GRIN2A: variants seen among roughly 807,000 people sequenced by gnomAD.
GRIN2A encodes the protein glutamate receptor ionotropic, NMDA 2A.
A neutral mutation model predicts 113.4 loss-of-function variants in GRIN2A; 22 were observed. The ratio of observed to expected loss-of-function variants is 0.19; its 90% CI spans 0.14 to 0.28. The LOEUF (loss-of-function observed/expected upper bound fraction) is 0.28. Ranked by LOEUF, GRIN2A falls within the 10% of genes least tolerant of loss-of-function variation. The pLI, the probability that GRIN2A is intolerant of heterozygous loss-of-function variation, is 1.00. For synonymous variants in GRIN2A, 827 were observed against 738.4 expected (o/e 1.12, Z -1.94); for missense variants, 1,502 against 1,887.0 (o/e 0.80, Z 3.78).
At chr16:10,080,392 G>T (rs965345554) in intron 2 of GRIN2A, among the ~76,000 whole-genome samples, 1 of 152,188 alleles carries the variant, frequency 6.6e-6, no homozygotes, top group African/African-American at 2.4e-5. Context: ...GAAAGCGAAG[G>T]TGGAAGGGAG....
At chr16:10,040,349 T>A (rs2047139021) in intron 2 of GRIN2A, among the ~76,000 whole-genome samples, 1 of 144,754 alleles carries the variant, frequency 6.9e-6, no homozygotes, top group Non-Finnish European at 1.5e-5. Flanking sequence ...CTCACAACCC[T>A]GGACTCACAA....
At chr16:10,039,657 G>A (rs949507584) in intron 2 of GRIN2A, among the ~76,000 whole-genome samples, 1 of 151,676 alleles carries the variant, frequency 6.6e-6, no homozygotes. Context: ...ACCCGGGAGC[G>A]GGGGCGGCTG....
At chr16:9,879,369 T>A (rs2141449656) in intron 4 of GRIN2A, among the ~76,000 whole-genome samples, 1 of 152,218 alleles carries the variant, frequency 6.6e-6, no homozygotes, top group Non-Finnish European at 1.5e-5. Flanking sequence ...CTTCCAGAAA[T>A]ACCTAATCTG....
rs150655024 is a variant in GRIN2A, at chr16:9,946,999, A to C, written c.415-8448T>G. On this transcript the variant is annotated intron_variant, in intron 2 of 12. Coordinates refer to ENST00000330684, the MANE Select transcript of GRIN2A (RefSeq NM_001134407.3). ...AGCCAATTTGATTAGCTTTTCTGTC[A>C]CTTGCAATCAAAGATTACTGATGCC... Among the ~76,000 whole-genome samples the C allele has an allele frequency of 5.4e-3, 816 of 152,318 alleles. 8 individuals are homozygous for C. Among genetic ancestry groups the C allele is most frequent in the African/African-American group, 0.019 (778 of 41,572 alleles).
chr16:9,921,336 C>A (rs2044355115), intron 3 of GRIN2A, among the ~76,000 whole-genome samples: 1 of 152,174 alleles, frequency 6.6e-6, no homozygotes, highest in African/African-American at 2.4e-5. Context: ...TTTGTACCAG[C>A]TTCGCAGCAT....
At chr16:9,797,280 C>T (rs1413273569) in intron 11 of GRIN2A, among the ~76,000 whole-genome samples, 2 of 152,208 alleles carry the variant, frequency 1.3e-5, no homozygotes, top group Non-Finnish European at 2.9e-5. Flanking sequence ...ATACCGAGCT[C>T]ATTTTTGGTG....
chr16:10,090,545 T>G (rs1199505287), intron 2 of GRIN2A, among the ~76,000 whole-genome samples: 1 of 152,042 alleles, frequency 6.6e-6, no homozygotes, highest in Non-Finnish European at 1.5e-5. Flanking sequence ...AAATAGATCT[T>G]AGACCTAAAT....
At chr16:10,167,231 ACACGC>A (rs2049944071) in intron 2 of GRIN2A, among the ~76,000 whole-genome samples, 1 of 152,136 alleles carries the variant, frequency 6.6e-6, no homozygotes, top group Non-Finnish European at 1.5e-5. Flanking sequence ...ATGTTTATGA[ACACGC>A]ACTCCTCTGG....
chr16:10,130,186 C>A (rs1046191312), intron 2 of GRIN2A, among the ~76,000 whole-genome samples: 1 of 152,152 alleles, frequency 6.6e-6, no homozygotes, highest in Non-Finnish European at 1.5e-5. Context: ...ATGATAGAGG[C>A]AGACTTGGAA....
chr16:9,837,652 A>G (rs1470270706), intron 7 of GRIN2A, among the ~76,000 whole-genome samples: 1 of 152,166 alleles, frequency 6.6e-6, no homozygotes, highest in Non-Finnish European at 1.5e-5. Flanking sequence ...TTCCTGCCAA[A>G]GAGTCTGAAA....
intron 3 of GRIN2A, among the ~76,000 whole-genome samples, chr16:9,898,511 T>C (rs150976471): frequency 1.7e-3 from 260 of 152,366 alleles, no homozygotes; most frequent in African/African-American, 6.1e-3. Context: ...ATATTTATTA[T>C]TCACTATTTC....
intron 2 of GRIN2A, among the ~76,000 whole-genome samples, chr16:9,979,285 G>C (rs1318152746): frequency 6.6e-6 from 1 of 152,130 alleles, no homozygotes; most frequent in Non-Finnish European, 1.5e-5. Context: ...AGTGCCACAT[G>C]GTTATTCTGA....
intron 2 of GRIN2A, among the ~76,000 whole-genome samples, chr16:10,142,680 T>C (rs868547276): frequency 1.1e-4 from 16 of 152,134 alleles, no homozygotes; most frequent in Admixed American, 8.5e-4. Flanking sequence ...GTATGGGCAA[T>C]AGAGCAAGAC....
At chr16:9,783,987 G>C (rs984981294) in intron 11 of GRIN2A, among the ~76,000 whole-genome samples, 3 of 152,144 alleles carry the variant, frequency 2.0e-5, no homozygotes, top group Non-Finnish European at 4.4e-5. Flanking sequence ...AGGATAGGAG[G>C]AGGGAGAGGA....
chr16:10,084,554 C>G (rs1010211550), intron 2 of GRIN2A, among the ~76,000 whole-genome samples: 4 of 152,136 alleles, frequency 2.6e-5, no homozygotes, highest in Admixed American at 2.6e-4. Context: ...GAAGGATATT[C>G]CCATTCTCTA....
In GRIN2A at chr16:9,759,808, A is replaced by G. The variant is rs576585646; in HGVS notation, c.*3341T>C. 3.5e-5 allele frequency: 8 copies of G among 229,318 alleles called. No individual in the cohort carries two copies. The South Asian group carries it at 1.3e-3, about 37-fold the overall frequency. 14.2% of individuals were successfully genotyped at this position (229,318 alleles called of 1,614,324 possible). The stretch of plus-strand genomic sequence containing the variant: ...TAGACCTATAGGGACTTGCCAGCTC[A>G]GAGCATTGAAACCATAAGTGGCCTA... On this transcript the variant is annotated 3_prime_UTR_variant, in exon 13 of 13. Transcript: ENST00000330684.
At chr16:10,050,379 A>C (rs527648503) in intron 2 of GRIN2A, among the ~76,000 whole-genome samples, 38 of 152,222 alleles carry the variant, frequency 2.5e-4, no homozygotes, top group African/African-American at 9.1e-4. Flanking sequence ...GTGAAGCTTT[A>C]TCTGTATTTA....
intron 2 of GRIN2A, among the ~76,000 whole-genome samples, chr16:10,089,361 A>G (rs1351082170): frequency 6.6e-6 from 1 of 152,198 alleles, no homozygotes; most frequent in Non-Finnish European, 1.5e-5. Context: ...CGTTTACAGT[A>G]AATATGTGCA....
chr16:9,975,177 T>G (rs745534386), intron 2 of GRIN2A, among the ~76,000 whole-genome samples: 25 of 152,136 alleles, frequency 1.6e-4, no homozygotes, highest in Non-Finnish European at 3.1e-4. Flanking sequence ...ACAAAGTGTG[T>G]AAATACTCTA....
Sources: allele counts gnomAD v4.1 joint callset (sites outside exome capture counted in the v4.1 genomes callset), GRCh38; gene constraint gnomAD v4.1.1; transcripts MANE v1.5; gene names NCBI Gene and HGNC (gene_info 2026-07-23, HGNC 2026-07-21).